The following TMEM196 variants were observed in gnomAD, a reference collection of about 807,000 sequenced individuals.
TMEM196 encodes the protein transmembrane protein 196.
Under a neutral mutation model 20.0 loss-of-function variants are expected in TMEM196, and 17 were observed. That is an observed-to-expected ratio of 0.85 (90% CI 0.58 to 1.27). The LOEUF (loss-of-function observed/expected upper bound fraction) is 1.27, where lower values mean the gene tolerates loss of function less well. Among genes scored for constraint, TMEM196 ranks in the 50% most tolerant of loss-of-function variants. The pLI is 0.00. For missense variants in TMEM196, 267 were observed against 223.0 expected (o/e 1.20, Z -1.26); for synonymous variants, 113 against 88.9 (o/e 1.27, Z -1.52).
rs1783980619 is a variant in TMEM196 at position 19,725,776 on chromosome 7, G to C, written c.205-8C>G. On this transcript the variant is annotated splice_region_variant and splice_polypyrimidine_tract_variant and intron_variant, in intron 2 of 4. Transcript: ENST00000405844. ...GGCTGAAAAGAGGATCATCTGATAA[G>C]AAAAAGAAAGGCAGCGTTAAAGTTG... 1 of 1,579,668 alleles carries C rather than the reference G, an allele frequency of 6.3e-7. No homozygotes were observed. The highest frequency in any genetic ancestry group is 8.6e-7 in the Non-Finnish European group (1 of 1,158,466).
At chr7:19,757,299 A>T (rs1785257109) in intron 1 of TMEM196, among the ~76,000 whole-genome samples, 1 of 146,018 alleles carries the variant, frequency 6.8e-6, no homozygotes, top group East Asian at 2.1e-4. Flanking sequence ...TCAGCCACCC[A>T]AGTAACTGGG....
chr7:19,754,538 C>A (rs1419222327), intron 1 of TMEM196, among the ~76,000 whole-genome samples: 1 of 152,116 alleles, frequency 6.6e-6, no homozygotes. Flanking sequence ...TGAAAGCTTG[C>A]AATACATCGT....
At chr7:19,765,853 A>G (rs181704517) in intron 1 of TMEM196, among the ~76,000 whole-genome samples, 14 of 152,322 alleles carry the variant, frequency 9.2e-5, no homozygotes, top group Admixed American at 4.6e-4. Context: ...AACTAGATAC[A>G]TACCATTCAG....
rs1031848860 is a variant in TMEM196, at chr7:19,720,576, C to A, written c.*1552G>T. On this transcript the variant is annotated 3_prime_UTR_variant, in exon 5 of 5. Coordinates refer to ENST00000405844, the MANE Select transcript of TMEM196 (RefSeq NM_001363562.2). ...TTATGTATTTAAAAATGATAGATTTCTTTGTCTGTTGCCAGAGGTTATATT... is the reference window on the plus strand; with the variant it reads ...TTATGTATTTAAAAATGATAGATTTATTTGTCTGTTGCCAGAGGTTATATT... 1 of 151,862 alleles carries A rather than the reference C, an allele frequency of 6.6e-6. No homozygotes were observed. The highest frequency in any genetic ancestry group is 2.4e-5 in the African/African-American group (1 of 41,382). 9.4% of individuals were successfully genotyped at this position (151,862 alleles called of 1,614,324 possible).
chr7:19,761,309 A>C (rs777571559), intron 1 of TMEM196, among the ~76,000 whole-genome samples: 62 of 152,210 alleles, frequency 4.1e-4, no homozygotes, highest in Non-Finnish European at 5.7e-4. Context: ...CTTAAGCTCA[A>C]ACTAATTTCT....
chr7:19,747,308 G>T (rs1310153690), intron 1 of TMEM196, among the ~76,000 whole-genome samples: 2 of 151,182 alleles, frequency 1.3e-5, no homozygotes, highest in African/African-American at 2.4e-5. Flanking sequence ...ATAAAAAAAA[G>T]AAAATCCCTA....
chr7:19,767,870 T>C (rs1161142575), intron 1 of TMEM196, among the ~76,000 whole-genome samples: 1 of 152,020 alleles, frequency 6.6e-6, no homozygotes, highest in Non-Finnish European at 1.5e-5. Flanking sequence ...TTTATTTCTT[T>C]TTTATTAAAT....
intron 1 of TMEM196, among the ~76,000 whole-genome samples, chr7:19,742,374 GA>G (rs1202298261): frequency 6.6e-6 from 1 of 152,042 alleles, no homozygotes; most frequent in African/African-American, 2.4e-5. Context: ...CCTTTCCGAG[GA>G]AAAAGAGTAT....
intron 1 of TMEM196, among the ~76,000 whole-genome samples, chr7:19,750,671 A>G (rs1310065058): frequency 1.3e-5 from 2 of 152,172 alleles, no homozygotes; most frequent in Non-Finnish European, 2.9e-5. Context: ...TTAGCAGTCT[A>G]TAAACAAGTA....
At chr7:19,725,210 G>T (rs573106802) in intron 3 of TMEM196, among the ~76,000 whole-genome samples, 1 of 152,152 alleles carries the variant, frequency 6.6e-6, no homozygotes, top group African/African-American at 2.4e-5. Context: ...AGTGTATTTA[G>T]TATCTGTGTT....
intron 1 of TMEM196, among the ~76,000 whole-genome samples, chr7:19,770,358 C>T (rs1040058426): frequency 1.2e-4 from 19 of 152,110 alleles, no homozygotes; most frequent in Non-Finnish European, 2.8e-4. Context: ...GCTAAGCCCT[C>T]CACAAATATT....
chr7:19,723,303 C>T (rs1783874976), intron 4 of TMEM196, among the ~76,000 whole-genome samples: 1 of 151,620 alleles, frequency 6.6e-6, no homozygotes, highest in Non-Finnish European at 1.5e-5. Context: ...ATTTACTTTT[C>T]CTGTTTTACC....
At chr7:19,737,304 C>A (rs905707701) in intron 1 of TMEM196, among the ~76,000 whole-genome samples, 1 of 151,864 alleles carries the variant, frequency 6.6e-6, no homozygotes, top group Non-Finnish European at 1.5e-5. Context: ...ATTAAACAAA[C>A]AATTGATGTT....
In TMEM196 at chr7:19,720,752, A is replaced by C. The variant is rs965888141; in HGVS notation, c.*1376T>G. 10 of 151,900 alleles carry C rather than the reference A, an allele frequency of 6.6e-5. No homozygotes were observed. The highest frequency in any genetic ancestry group is 1.5e-4 in the Non-Finnish European group (10 of 67,782). 9.4% of individuals were successfully genotyped at this position (151,900 alleles called of 1,614,324 possible). ...CACTTTTTCCTCAAAGAATTCTTTC[A>C]GGATCTTTGGATATAGGCTTTCTTA... On this transcript the variant is annotated 3_prime_UTR_variant, in exon 5 of 5. Transcript: ENST00000405844.
At chr7:19,744,001 G>A (rs1784663809) in intron 1 of TMEM196, among the ~76,000 whole-genome samples, 1 of 152,092 alleles carries the variant, frequency 6.6e-6, no homozygotes, top group African/African-American at 2.4e-5. Flanking sequence ...TGAATATGGA[G>A]GGTGAGGTTT....
At chr7:19,764,063 A>G (rs995160714) in intron 1 of TMEM196, among the ~76,000 whole-genome samples, 15 of 152,214 alleles carry the variant, frequency 9.9e-5, no homozygotes, top group Admixed American at 9.8e-4. Context: ...CAGCTGTGAG[A>G]TTCACTGAAC....
chr7:19,752,754 A>G (rs955448153), intron 1 of TMEM196, among the ~76,000 whole-genome samples: 19 of 152,004 alleles, frequency 1.2e-4, no homozygotes, highest in African/African-American at 4.6e-4. Context: ...AGCTGGGACT[A>G]CAGGTGCGCA....
intron 1 of TMEM196, among the ~76,000 whole-genome samples, chr7:19,729,708 T>C (rs947733575): frequency 1.3e-5 from 2 of 152,232 alleles, no homozygotes; most frequent in African/African-American, 4.8e-5. Context: ...TTTAGAGCTT[T>C]GTTTCTCCCA....
At chr7:19,759,275 A>C (rs969698763) in intron 1 of TMEM196, among the ~76,000 whole-genome samples, 1 of 152,214 alleles carries the variant, frequency 6.6e-6, no homozygotes, top group East Asian at 1.9e-4. Context: ...TTCAGCCTTC[A>C]TTTTACAAGG....
Sources: allele counts gnomAD v4.1 joint callset (sites outside exome capture counted in the v4.1 genomes callset), GRCh38; gene constraint gnomAD v4.1.1; transcripts MANE v1.5; gene names NCBI Gene and HGNC (gene_info 2026-07-23, HGNC 2026-07-21).